Variants in TTK observed in about 807,000 individuals in gnomAD.
TTK encodes the protein TTK protein kinase.
In TTK, 59 loss-of-function variants were observed where a neutral mutation model predicts 117.3. That is an observed-to-expected ratio of 0.50 (90% confidence interval 0.41 to 0.62). The LOEUF is 0.62. TTK is among the 20% of genes least tolerant of loss of function. The pLI is 0.00. For missense variants in TTK, 921 were observed against 989.4 expected (o/e 0.93, Z 0.93); for synonymous variants, 302 against 325.0 (o/e 0.93, Z 0.76).
intron 13 of TTK, among the ~76,000 whole-genome samples, chr6:80,028,378 C>T (rs1000393536): frequency 2.0e-5 from 3 of 151,624 alleles, no homozygotes; most frequent in East Asian, 1.9e-4. Context: ...AGTGCAGTGG[C>T]GCGATCTCGG....
chr6:80,035,765 C>A (rs755470029), intron 16 of TTK, among the ~76,000 whole-genome samples: 13 of 152,020 alleles, frequency 8.6e-5, no homozygotes, highest in Non-Finnish European at 1.6e-4. Context: ...TTTATTCATT[C>A]TCCTAATCAT....
chr6:80,009,002 T>G (rs553580098), intron 4 of TTK, among the ~76,000 whole-genome samples: 36 of 141,626 alleles, frequency 2.5e-4, no homozygotes, highest in African/African-American at 9.1e-4. Flanking sequence ...AATAAAAAAG[T>G]AAACTGCTGT....
At chr6:80,005,689 C>T in intron 1 of TTK, 153 bp from the exon 2 acceptor site, 2 of 729,952 alleles carry the variant, frequency 2.7e-6, no homozygotes, top group South Asian at 1.9e-5. Flanking sequence ...TGTTGTTGTG[C>T]ACTTACCTCC....
At chr6:80,034,054 G>A (rs139208121) in intron 14 of TTK, among the ~76,000 whole-genome samples, 48 of 152,166 alleles carry the variant, frequency 3.2e-4, no homozygotes, top group African/African-American at 9.6e-4. Flanking sequence ...AAGTGATAAA[G>A]CAATGGCTGG....
intron 16 of TTK, among the ~76,000 whole-genome samples, chr6:80,036,209 G>A (rs1370821173): frequency 6.6e-6 from 1 of 152,024 alleles, no homozygotes; most frequent in African/African-American, 2.4e-5. Flanking sequence ...CATTGCCTTA[G>A]CTTCCTTGCC....
At chr6:80,038,088 G>A in intron 18 of TTK, 41 bp downstream of exon 18, 1 of 1,414,580 alleles carries the variant, frequency 7.1e-7, no homozygotes, top group Non-Finnish European at 9.9e-7. Context: ...TCTGGCAACA[G>A]TAGGGAATGC....
chr6:80,018,942 T>G (rs1258261215), intron 10 of TTK, among the ~76,000 whole-genome samples: 3 of 152,186 alleles, frequency 2.0e-5, no homozygotes, highest in Non-Finnish European at 2.9e-5. Flanking sequence ...CTGCATCTAT[T>G]TAGTTAATTA....
At chr6:80,040,351 C>T (rs1768014608) in intron 20 of TTK, 71 bp downstream of exon 20, 1 of 1,289,986 alleles carries the variant, frequency 7.8e-7, no homozygotes, top group African/African-American at 1.5e-5. Flanking sequence ...ATTAATATAA[C>T]AAAGACAGAA....
At position 80,040,284 on chromosome 6, in the gene TTK, C is replaced by A; in HGVS notation, c.2392+4C>A. On this transcript the variant is annotated splice_donor_region_variant and intron_variant, in intron 20 of 21. Coordinates refer to ENST00000369798, the MANE Select transcript of TTK (RefSeq NM_003318.5). ...GTTCAAATTCAAACTCATCCAGGTA[C>A]TACTTCTTTAAAAATTTGTTTATTA... 6.4e-7 allele frequency: 1 copy of A among 1,569,252 alleles called. No individual in the cohort carries two copies. Among genetic ancestry groups the A allele is most frequent in the Admixed American group, 1.9e-5 (1 of 52,424 alleles).
At chr6:80,037,792 A>AGGG (rs1180477016) in intron 17 of TTK, 175 bp from the exon 18 acceptor site, 1 of 276,748 alleles carries the variant, frequency 3.6e-6, no homozygotes, top group Non-Finnish European at 6.6e-6. Flanking sequence ...TTGCAAGGAT[A>AGGG]TCATTGAAAT....
chr6:80,033,276 A>G (rs962479281), intron 14 of TTK, among the ~76,000 whole-genome samples: 1 of 152,164 alleles, frequency 6.6e-6, no homozygotes, highest in Non-Finnish European at 1.5e-5. Flanking sequence ...TTATTTTAAC[A>G]TGACATCCTA....
intron 10 of TTK, among the ~76,000 whole-genome samples, chr6:80,016,720 C>T (rs557188205): frequency 2.6e-5 from 4 of 152,140 alleles, no homozygotes; most frequent in Non-Finnish European, 5.9e-5. Flanking sequence ...AATGCAAGAA[C>T]GATTAACAAT....
At position 80,038,317 on chromosome 6, in the gene TTK, G is replaced by A. The variant is rs139224773; in HGVS notation, c.2130+270G>A. Among the ~76,000 whole-genome samples, 519 of 152,108 alleles carry A rather than the reference G, an allele frequency of 3.4e-3. 8 individuals are homozygous for A. Among genetic ancestry groups the A allele is most frequent in the Admixed American group, 0.029 (443 of 15,254 alleles). On this transcript the variant is annotated intron_variant, in intron 18 of 21. Coordinates refer to ENST00000369798, the MANE Select transcript of TTK (RefSeq NM_003318.5). ...TCCACTGACTTTATCTCGCTACCTCGATGAGTTTGCGTTAGCCTCATGGGT... is the reference window on the plus strand; with the variant it reads ...TCCACTGACTTTATCTCGCTACCTCAATGAGTTTGCGTTAGCCTCATGGGT...
At chr6:80,014,394 A>G in intron 9 of TTK, 69 bp from the exon 10 acceptor site, 3 of 1,415,866 alleles carry the variant, frequency 2.1e-6, no homozygotes, top group South Asian at 1.6e-5. Flanking sequence ...ACTTTAGTAT[A>G]TTGAACAGTA....
chr6:80,039,445 T>C (rs1767988801), intron 18 of TTK, among the ~76,000 whole-genome samples: 1 of 151,888 alleles, frequency 6.6e-6, no homozygotes, highest in Non-Finnish European at 1.5e-5. Context: ...GGGAAGAATT[T>C]AATATTTTGT....
intron 11 of TTK, among the ~76,000 whole-genome samples, chr6:80,026,049 G>T (rs1441502389): frequency 6.6e-6 from 1 of 152,044 alleles, no homozygotes; most frequent in Non-Finnish European, 1.5e-5. Flanking sequence ...AGAAACACAG[G>T]ATACTATTTT....
Position 80,038,008 on chromosome 6 carries a change from T to C in TTK, c.2091T>C (p.Asp697=). Residue 697 remains aspartate (D), a synonymous_variant, in exon 18 of 22, where the codon GAT becomes GAC. Transcript: ENST00000369798. ...VNYMPPEAIK[D]MSSSRENGKS... Reference sequence around the variant, plus strand: ...ATATGCCACCAGAAGCAATCAAAGATATGTCTTCCTCCAGAGAGAATGGGA... The same window carrying C: ...ATATGCCACCAGAAGCAATCAAAGACATGTCTTCCTCCAGAGAGAATGGGA... The C allele has an allele frequency of 2.5e-6, 4 of 1,610,750 alleles. No individual in the cohort carries two copies. The African/African-American group carries it at 4.0e-5, about 16-fold the overall frequency.
In TTK at chr6:80,026,579, G is replaced by A. The variant is rs1310010401; in HGVS notation, c.1394+65G>A. 17 of 1,585,142 alleles carry A rather than the reference G, an allele frequency of 1.1e-5. No homozygotes were observed. In the South Asian group the frequency reaches 2.0e-4, roughly 19 times the overall value. Reference sequence around the variant, plus strand: ...TGATAGAATTAACATGGGCTTCTGGGCCAAATAAATCTGGGATTAAATCCT... The same window carrying A: ...TGATAGAATTAACATGGGCTTCTGGACCAAATAAATCTGGGATTAAATCCT... On this transcript the variant is annotated intron_variant, in intron 12 of 21. Coordinates refer to ENST00000369798, the MANE Select transcript of TTK (RefSeq NM_003318.5).
intron 20 of TTK, 62 bp downstream of exon 20, chr6:80,040,342 T>C (rs1054864205): frequency 1.5e-6 from 2 of 1,338,344 alleles, no homozygotes; most frequent in East Asian, 4.9e-5. Context: ...CTGTTACCTA[T>C]TAATATAACA....
Sources: gnomAD v4.1 joint callset for allele counts (sites outside exome capture counted in the v4.1 genomes callset) on GRCh38, gnomAD v4.1.1 for gene constraint, MANE v1.5 for transcripts, NCBI Gene and HGNC (gene_info 2026-07-23, HGNC 2026-07-21) for gene names.